FRMD4A: variants seen among roughly 807,000 people sequenced by gnomAD.
FRMD4A encodes the protein FERM domain-containing protein 4A.
Under a neutral mutation model 129.1 loss-of-function variants are expected in FRMD4A, and 29 were observed. The ratio of observed to expected loss-of-function variants is 0.22; its 90% CI spans 0.17 to 0.31. The LOEUF (loss-of-function observed/expected upper bound fraction) is 0.31, where lower values mean the gene tolerates loss of function less well. FRMD4A is among the 10% of genes least tolerant of loss of function. The probability of loss-of-function intolerance (pLI) is 1.00; values close to 1 mark genes in which losing one functional copy is unlikely to be tolerated. For synonymous variants in FRMD4A, 634 were observed against 571.6 expected, an observed-to-expected ratio of 1.11 and a Z score of -1.56; for missense variants, 1,272 against 1,375.8, an observed-to-expected ratio of 0.92 and a Z score of 1.19.
chr10:13,947,574 C>T (rs886134572), intron 2 of FRMD4A, among the ~76,000 whole-genome samples: 7 of 151,746 alleles, frequency 4.6e-5, no homozygotes, highest in Non-Finnish European at 1.0e-4. Flanking sequence ...ATAAAAGAGA[C>T]ACACATGCAA....
chr10:13,886,159 C>T (rs1287577147), intron 2 of FRMD4A, among the ~76,000 whole-genome samples: 2 of 152,148 alleles, frequency 1.3e-5, no homozygotes, highest in Admixed American at 6.5e-5. Context: ...CACAGCCTGG[C>T]AACTCGCCGA....
At chr10:13,829,882 G>T (rs2093762333) in intron 3 of FRMD4A, among the ~76,000 whole-genome samples, 2 of 152,106 alleles carry the variant, frequency 1.3e-5, no homozygotes, top group South Asian at 4.2e-4. Flanking sequence ...AAAATAAATC[G>T]GGGGCCTGGC....
At chr10:13,655,254 C>T (rs1448037734) in intron 22 of FRMD4A, 5 of 152,276 alleles carry the variant, frequency 3.3e-5, no homozygotes, top group African/African-American at 9.6e-5. Context: ...AAATATGTTC[C>T]AAAAGATCTA....
chr10:14,184,491 T>TAA (rs74437382), intron 2 of FRMD4A, among the ~76,000 whole-genome samples: 14 of 150,876 alleles, frequency 9.3e-5, no homozygotes, highest in Middle Eastern at 3.4e-3. Flanking sequence ...TCTATTATGT[T>TAA]AAAAAAAATG....
intron 2 of FRMD4A, among the ~76,000 whole-genome samples, chr10:14,010,812 G>A (rs941972815): frequency 6.6e-6 from 1 of 151,814 alleles, no homozygotes; most frequent in African/African-American, 2.4e-5. Flanking sequence ...GCCTGGCCAA[G>A]TATTTCTTTC....
chr10:13,993,416 T>C (rs962011037), intron 2 of FRMD4A, among the ~76,000 whole-genome samples: 2 of 152,200 alleles, frequency 1.3e-5, no homozygotes, highest in Non-Finnish European at 2.9e-5. Flanking sequence ...AAGGTTTTAG[T>C]CCAGCTGTTA....
chr10:13,686,560 A>G (rs193029517), intron 15 of FRMD4A, among the ~76,000 whole-genome samples: 1 of 152,336 alleles, frequency 6.6e-6, no homozygotes, highest in Admixed American at 6.5e-5. Context: ...GTTTAGCACA[A>G]CCTGTTTTCT....
chr10:14,225,130 GTAAGTTAATAATATT>G (rs1843393237), intron 2 of FRMD4A, among the ~76,000 whole-genome samples: 1 of 152,170 alleles, frequency 6.6e-6, no homozygotes, highest in African/African-American at 2.4e-5. Context: ...CCAGGTGGCG[GTAAGTTAATAATATT>G]TTACAAATTA....
chr10:13,667,802 T>C (rs75628832), intron 17 of FRMD4A: 1,623 of 152,336 alleles, frequency 0.011, 16 homozygotes, highest in Non-Finnish European at 0.017. Context: ...TTTGGCAGCC[T>C]GAAGGAGAGG....
At chr10:14,000,788 G>A (rs2095640134) in intron 2 of FRMD4A, among the ~76,000 whole-genome samples, 1 of 151,352 alleles carries the variant, frequency 6.6e-6, no homozygotes, top group African/African-American at 2.4e-5. Context: ...GTCAAGAAAA[G>A]AAGCATACAG....
chr10:14,182,254 G>C (rs1333994034), intron 2 of FRMD4A, among the ~76,000 whole-genome samples: 1 of 152,226 alleles, frequency 6.6e-6, no homozygotes, highest in African/African-American at 2.4e-5. Flanking sequence ...TAAAAAGAGA[G>C]AGAGATAGGG....
intron 2 of FRMD4A, among the ~76,000 whole-genome samples, chr10:14,232,200 T>G (rs995006825): frequency 2.0e-5 from 3 of 152,212 alleles, no homozygotes; most frequent in African/African-American, 7.2e-5. Context: ...CTTTTCCCAT[T>G]TTTTGTTATC....
intron 8 of FRMD4A, among the ~76,000 whole-genome samples, chr10:13,757,399 C>T (rs990124076): frequency 7.2e-5 from 11 of 152,164 alleles, no homozygotes; most frequent in Non-Finnish European, 8.8e-5. Flanking sequence ...TTAGAAGTAT[C>T]GTACAAATTT....
chr10:14,111,656 C>T (rs376391519), intron 2 of FRMD4A, among the ~76,000 whole-genome samples: 30 of 152,140 alleles, frequency 2.0e-4, no homozygotes, highest in African/African-American at 6.7e-4. Context: ...GTCTATGAAA[C>T]CTACCTACTA....
chr10:13,840,772 G>T (rs1428035656), intron 3 of FRMD4A, among the ~76,000 whole-genome samples: 1 of 97,730 alleles, frequency 1.0e-5, no homozygotes, highest in East Asian at 3.6e-4. Flanking sequence ...TGGGCAAAAA[G>T]AGTGAGACTC....
chr10:13,802,595 G>A (rs935690596), intron 4 of FRMD4A, among the ~76,000 whole-genome samples: 5 of 151,958 alleles, frequency 3.3e-5, no homozygotes, highest in African/African-American at 1.2e-4. Context: ...GGAACTACTG[G>A]CACATACCAT....
intron 2 of FRMD4A, among the ~76,000 whole-genome samples, chr10:14,099,552 G>T (rs575400207): frequency 6.6e-6 from 1 of 152,230 alleles, no homozygotes; most frequent in Admixed American, 6.5e-5. Flanking sequence ...TACGAAAGTT[G>T]GCCCTGTTTA....
intron 2 of FRMD4A, among the ~76,000 whole-genome samples, chr10:13,889,450 T>C (rs1246785028): frequency 6.6e-6 from 1 of 152,186 alleles, no homozygotes; most frequent in Non-Finnish European, 1.5e-5. Context: ...GGGATGCTGT[T>C]CTCATGGATT....
rs141698857 is a variant in FRMD4A at position 13,797,485 on chromosome 10, G to A, written c.207-897C>T. On this transcript the variant is annotated intron_variant, in intron 4 of 24. Coordinates refer to ENST00000357447, the MANE Select transcript of FRMD4A (RefSeq NM_018027.5). The stretch of plus-strand genomic sequence containing the variant: ...CCCCGGGGTGAGGGAGGACCCCAGC[G>A]TCTTAGTGTCCTGTGAGTGGAAAGC... Among the ~76,000 whole-genome samples the A allele has an allele frequency of 8.9e-4, 136 of 152,254 alleles. 1 individual carries two copies. The highest frequency in any genetic ancestry group is 3.1e-3 in the African/African-American group (128 of 41,552).
Sources: gnomAD v4.1 joint callset for allele counts (sites outside exome capture counted in the v4.1 genomes callset) on GRCh38, gnomAD v4.1.1 for gene constraint, MANE v1.5 for transcripts, NCBI Gene and HGNC (gene_info 2026-07-23, HGNC 2026-07-21) for gene names.